The following ARHGAP11A variants were observed in gnomAD, a reference collection of about 807,000 sequenced individuals.
ARHGAP11A encodes the protein rho GTPase-activating protein 11A.
In ARHGAP11A, 36 loss-of-function variants were observed where a neutral mutation model predicts 60.5. The ratio of observed to expected loss-of-function variants is 0.59; its 90% CI spans 0.46 to 0.79. ARHGAP11A has a LOEUF of 0.79. ARHGAP11A is among the 30% of genes least tolerant of loss of function. The pLI, the probability that ARHGAP11A is intolerant of heterozygous loss-of-function variation, is 0.00. For missense variants in ARHGAP11A, 1,071 were observed against 1,199.2 expected (o/e 0.89, Z 1.58); for synonymous variants, 362 against 415.5 (o/e 0.87, Z 1.57).
Position 32,637,175 on chromosome 15 carries a change from T to C in ARHGAP11A, c.2402T>C (p.Met801Thr). ...CEKTVSESSQMTEHRKVSDHI... is the reference protein window; with the variant it reads ...CEKTVSESSQTTEHRKVSDHI... ...AAAACAGTTTCTGAAAGTTCACAAA[T>C]GACAGAACATAGAAAGGTTTCTGAT... Residue 801 changes from methionine to threonine, a missense_variant, in exon 12 of 12, where the codon ATG becomes ACG. This residue lies in a region of ARHGAP11A where 776 missense variants were observed against 760.2 expected (regional missense o/e 1.02). Coordinates refer to ENST00000361627, the MANE Select transcript of ARHGAP11A (RefSeq NM_014783.6). 1 of 1,614,150 alleles carries C rather than the reference T, an allele frequency of 6.2e-7. No individual in the cohort carries two copies. The highest frequency in any genetic ancestry group is 8.5e-7 in the Non-Finnish European group (1 of 1,180,000).
Position 32,628,581 on chromosome 15 carries a change from T to G in ARHGAP11A, c.863-147T>G, listed in dbSNP as rs575870693. 4.0e-5 allele frequency: 23 copies of G among 576,612 alleles called. 1 individual carries two copies. Among genetic ancestry groups the G allele is most frequent in the African/African-American group, 3.4e-4 (17 of 50,664 alleles). The allele number at this position is 576,612 out of a possible 1,614,324, so 35.7% of individuals were successfully genotyped here. On this transcript the variant is annotated intron_variant, in intron 6 of 11. Coordinates refer to ENST00000361627, the MANE Select transcript of ARHGAP11A (RefSeq NM_014783.6). ...AAAATATATCCTTTAGTATTTTTCC[T>G]ATTTTGAAATAATTCCTCTTAAATA...
rs772534620 is a variant in ARHGAP11A, at chr15:32,635,838, G to C, written c.1406G>C (p.Ser469Thr). Residue 469 changes from serine (S) to threonine (T), a missense_variant, in exon 11 of 12, where the codon AGT (serine) becomes ACT (threonine). By Grantham distance (58) the Ser-to-Thr change is moderately conservative. Coordinates refer to ENST00000361627, the MANE Select transcript of ARHGAP11A (RefSeq NM_014783.6). ...GGTTGGCGACTTGCAAATCAACAAA[G>C]TTTAAAAAATCGAATTGAATCTGTA... ...SVGWRLANQQ[S>T]LKNRIESVKT... is the part of the protein sequence containing the mutation. The C allele has an allele frequency of 3.1e-6, 5 of 1,611,022 alleles. No homozygotes were observed. Among genetic ancestry groups the C allele is most frequent in the Non-Finnish European group, 4.2e-6 (5 of 1,179,068 alleles).
chr15:32,620,829 G>C (rs12591935), intron 2 of ARHGAP11A, among the ~76,000 whole-genome samples: 40,941 of 151,612 alleles, frequency 0.27, 5,962 homozygotes, highest in Non-Finnish European at 0.35. Context: ...CATTTTGAGG[G>C]CCGAGGCAGG....
Position 32,634,794 on chromosome 15 carries a change from A to G in ARHGAP11A, c.1344+753A>G, listed in dbSNP as rs189520481. On this transcript the variant is annotated intron_variant, in intron 10 of 11. Coordinates refer to ENST00000361627, the MANE Select transcript of ARHGAP11A (RefSeq NM_014783.6). The stretch of plus-strand genomic sequence containing the variant: ...ACCATGGTCAAATCCTTGATTCCTC[A>G]CTTTCTCTGAGACACCATGTCTAAT... Among the ~76,000 whole-genome samples the G allele has an allele frequency of 1.7e-3, 258 of 152,260 alleles. 1 individual carries two copies. Among genetic ancestry groups the G allele is most frequent in the African/African-American group, 6.1e-3 (254 of 41,550 alleles).
chr15:32,619,028 C>T (rs935849728), intron 1 of ARHGAP11A, among the ~76,000 whole-genome samples: 2 of 152,146 alleles, frequency 1.3e-5, no homozygotes, highest in Admixed American at 6.5e-5. Flanking sequence ...GTCTTTTCAG[C>T]TTACAATATT....
Position 32,620,153 on chromosome 15 carries a change from G to T in ARHGAP11A, c.175G>T (p.Val59Leu). 6.2e-7 allele frequency: 1 copy of T among 1,611,750 alleles called. No homozygotes were observed. The highest frequency in any genetic ancestry group is 8.5e-7 in the Non-Finnish European group (1 of 1,178,974). ...TTTTAATGCACTGCCCCATTCTGCT[G>T]TACCAGAATATGGACACATTCCAAG... ...VPFNALPHSA[V>L]PEYGHIPSFL... The change falls in exon 2 of 12, where the codon GTA becomes TTA. Residue 59 changes from valine to leucine, a missense_variant. Physicochemically the swap from Val to Leu is conservative, Grantham distance 32. Around this residue, in one of 4 missense-constraint regions of ARHGAP11A, gnomAD observed 71 missense variants for 142.4 expected, o/e 0.50. Coordinates refer to ENST00000361627, the MANE Select transcript of ARHGAP11A (RefSeq NM_014783.6).
Position 32,635,833 on chromosome 15 carries a change from A to G in ARHGAP11A, c.1401A>G (p.Gln467=). The G allele has an allele frequency of 6.2e-7, 1 of 1,611,490 alleles. No individual in the cohort carries two copies. The highest frequency in any genetic ancestry group is 2.2e-5 in the East Asian group (1 of 44,662). ...YESVGWRLAN[Q]QSLKNRIESV... The stretch of plus-strand genomic sequence containing the variant: ...GTGTTGGTTGGCGACTTGCAAATCA[A>G]CAAAGTTTAAAAAATCGAATTGAAT... The change falls in exon 11 of 12, where the codon CAA becomes CAG. Residue 467 remains glutamine (Q), a synonymous_variant. Transcript: ENST00000361627.
rs1157358673 is a variant in ARHGAP11A at position 32,615,729 on chromosome 15, A to G, written c.-483A>G. ...TGAGCAGCCGGCTGGTCCGGCGGCC[A>G]GGCTAGGGCGGGGGCGAGCGCCCAG... On this transcript the variant is annotated 5_prime_UTR_variant, in exon 1 of 12. Transcript: ENST00000361627. 1.3e-5 allele frequency: 2 copies of G among 153,504 alleles called. No individual in the cohort carries two copies. Among genetic ancestry groups the G allele is most frequent in the Admixed American group, 6.5e-5 (1 of 15,402 alleles). The allele number at this position is 153,504 out of a possible 1,614,324, so 9.5% of individuals were successfully genotyped here. A position where few individuals can be genotyped will look rare whatever the true frequency, so the allele number is the denominator to read the frequency against.
At chr15:32,622,947 A>C (rs1460396369) in intron 2 of ARHGAP11A, among the ~76,000 whole-genome samples, 1 of 151,948 alleles carries the variant, frequency 6.6e-6, no homozygotes, top group Non-Finnish European at 1.5e-5. Context: ...GAGAAAAGGA[A>C]TTTGAGAAGG....
chr15:32,630,311 C>T (rs961187616), intron 8 of ARHGAP11A, among the ~76,000 whole-genome samples: 1 of 97,608 alleles, frequency 1.0e-5, no homozygotes, highest in Non-Finnish European at 2.0e-5. Flanking sequence ...CTTACCAGCC[C>T]AGCCATTTTC....
intron 6 of ARHGAP11A, among the ~76,000 whole-genome samples, chr15:32,627,421 T>C (rs2053485784): frequency 6.6e-6 from 1 of 152,010 alleles, no homozygotes. Flanking sequence ...GTAGTGTTTA[T>C]TGCATTGTTA....
In ARHGAP11A at chr15:32,629,226, G is replaced by A. The variant is rs936821796; in HGVS notation, c.938-369G>A. On this transcript the variant is annotated intron_variant, in intron 7 of 11. Transcript: ENST00000361627. ...CTTCTGTTTTCTAGAGTGAAGAAAT[G>A]AACTGGTTAATACTCACTTATGATG... Among the ~76,000 whole-genome samples the A allele has an allele frequency of 2.8e-5, 4 of 144,064 alleles. No individual in the cohort carries two copies. In the East Asian group the frequency reaches 8.0e-4, roughly 29 times the overall value. The allele number at this position is 144,064 out of a possible 152,430, so 94.5% of individuals were successfully genotyped here.
intron 8 of ARHGAP11A, among the ~76,000 whole-genome samples, chr15:32,632,130 T>C: frequency 6.6e-6 from 1 of 152,212 alleles, no homozygotes; most frequent in Non-Finnish European, 1.5e-5. Context: ...ATTGAAAAAA[T>C]GTGAATGTCT....
chr15:32,633,476 A>C (rs889623330), intron 9 of ARHGAP11A, among the ~76,000 whole-genome samples: 9 of 152,002 alleles, frequency 5.9e-5, no homozygotes. Context: ...CCTCATCTCT[A>C]CTAAAAAGTA....
At chr15:32,633,138 C>T (rs776873865) in intron 9 of ARHGAP11A, 30 bp downstream of exon 9, 14 of 1,611,378 alleles carry the variant, frequency 8.7e-6, no homozygotes, top group South Asian at 7.7e-5. Flanking sequence ...TTGTTTTCAT[C>T]GGATAAATAT....
intron 3 of ARHGAP11A, 27 bp downstream of exon 3, chr15:32,623,615 T>C: frequency 6.3e-7 from 1 of 1,597,212 alleles, no homozygotes; most frequent in Non-Finnish European, 8.5e-7. Context: ...ACTATTAATT[T>C]TTCATTTGAG....
intron 10 of ARHGAP11A, 41 bp from the exon 11 acceptor site, chr15:32,635,736 T>G: frequency 7.4e-7 from 1 of 1,358,572 alleles, no homozygotes; most frequent in Non-Finnish European, 9.8e-7. Context: ...TTGAATTAAC[T>G]AGGCTTATTT....
At chr15:32,624,023 A>G in intron 3 of ARHGAP11A, 150 bp from the exon 4 acceptor site, 1 of 597,472 alleles carries the variant, frequency 1.7e-6, no homozygotes, top group Middle Eastern at 4.5e-4. Flanking sequence ...AAATTCAAAA[A>G]TCATTAAAAA....
intron 10 of ARHGAP11A, among the ~76,000 whole-genome samples, chr15:32,634,503 G>T (rs2053659843): frequency 6.6e-6 from 1 of 152,108 alleles, no homozygotes; most frequent in Non-Finnish European, 1.5e-5. Flanking sequence ...TTCAGATTTG[G>T]AATGCCCAAC....
Sources: allele counts gnomAD v4.1 joint callset (sites outside exome capture counted in the v4.1 genomes callset), GRCh38; gene constraint gnomAD v4.1.1; regional missense constraint gnomAD v4.1.1; transcripts MANE v1.5; gene names NCBI Gene and HGNC (gene_info 2026-07-23, HGNC 2026-07-21).